IRAG1: variants seen among roughly 807,000 people sequenced by gnomAD.
IRAG1 encodes the protein inositol 1,4,5-triphosphate receptor associated 1.
Under a neutral mutation model 106.2 loss-of-function variants are expected in IRAG1, and 62 were observed. The ratio of observed to expected loss-of-function variants is 0.58; its 90% CI spans 0.48 to 0.72. The LOEUF is 0.72. Ranked by LOEUF, IRAG1 falls within the 30% of genes least tolerant of loss-of-function variation. The pLI is 0.00. For synonymous variants in IRAG1, 462 were observed against 443.9 expected, an observed-to-expected ratio of 1.04 and a Z score of -0.51; for missense variants, 1,064 against 1,140.7, an observed-to-expected ratio of 0.93 and a Z score of 0.97.
chr11:10,596,002 G>A (rs1018924984), intron 15 of IRAG1, among the ~76,000 whole-genome samples: 11 of 152,108 alleles, frequency 7.2e-5, no homozygotes, highest in African/African-American at 1.4e-4. Context: ...CCAGCCCCAC[G>A]CATGTTCCTG....
chr11:10,615,828 A>C (rs1187726179), intron 10 of IRAG1, among the ~76,000 whole-genome samples: 1 of 151,718 alleles, frequency 6.6e-6, no homozygotes, highest in East Asian at 2.0e-4. Flanking sequence ...GATATACCTA[A>C]TGTAAATGAC....
chr11:10,662,390 C>T (rs991218530), intron 1 of IRAG1, among the ~76,000 whole-genome samples: 1 of 152,202 alleles, frequency 6.6e-6, no homozygotes, highest in Non-Finnish European at 1.5e-5. Flanking sequence ...GTCTTCTCTG[C>T]CACACAGATG....
chr11:10,603,451 G>A (rs951631532), intron 13 of IRAG1, among the ~76,000 whole-genome samples, 200 bp from the exon 14 acceptor site: 3 of 152,206 alleles, frequency 2.0e-5, no homozygotes, highest in East Asian at 1.9e-4. Flanking sequence ...TAGATCCTTC[G>A]CATGCACAGT....
Position 10,628,852 on chromosome 11 carries a change from C to G in IRAG1, c.575-24G>C, listed in dbSNP as rs1365682941. The G allele has an allele frequency of 1.9e-6, 3 of 1,563,486 alleles. No homozygotes were observed. The highest frequency in any genetic ancestry group is 2.6e-6 in the Non-Finnish European group (3 of 1,155,148). On this transcript the variant is annotated intron_variant, in intron 5 of 20. Coordinates refer to ENST00000423302, the MANE Select transcript of IRAG1 (RefSeq NM_130385.4). This position sits in a 1 kb window ranked among gnomAD's most constrained non-coding sequence, Gnocchi z 4.1. ...AGCTGTGAAGACAGACACAAATTGG[C>G]TGGCATTCATGAAGGTTTAGGACTT...
At chr11:10,655,817 C>T (rs1334853710) in intron 1 of IRAG1, among the ~76,000 whole-genome samples, 1 of 152,178 alleles carries the variant, frequency 6.6e-6, no homozygotes, top group African/African-American at 2.4e-5. Context: ...GTCCCTGTGA[C>T]AGAAAGCAGA....
chr11:10,680,528 G>GAAGGAAGGAAGAAAGGAAGA (rs1861159989), intron 1 of IRAG1, among the ~76,000 whole-genome samples: 1 of 136,738 alleles, frequency 7.3e-6, no homozygotes, highest in African/African-American at 3.1e-5. Flanking sequence ...AGGAAGAAAG[G>GAAGGAAGGAAGAAAGGAAGA]AAGGAAGGAA....
At position 10,668,491 on chromosome 11, in the gene IRAG1, A is replaced by G. The variant is rs1188956706; in HGVS notation, c.68-16309T>C. Among the ~76,000 whole-genome samples, 3 of 152,208 alleles carry G rather than the reference A, an allele frequency of 2.0e-5. No homozygotes were observed. In the East Asian group the frequency reaches 5.8e-4, roughly 29 times the overall value. On this transcript the variant is annotated intron_variant, in intron 1 of 20. Coordinates refer to ENST00000423302, the MANE Select transcript of IRAG1 (RefSeq NM_130385.4). ...ACCAACTAATGGTTTTTGTAAATAA[A>G]TTTTTATCAAAATACAGCACAACCA... is the stretch of plus-strand genomic sequence containing the variant.
At chr11:10,667,470 G>A (rs1054698520) in intron 1 of IRAG1, among the ~76,000 whole-genome samples, 3 of 152,148 alleles carry the variant, frequency 2.0e-5, no homozygotes, top group Non-Finnish European at 2.9e-5. Context: ...GGAGGGAGCC[G>A]CTACTCAATG....
rs534167557 is a variant in IRAG1 at position 10,678,536 on chromosome 11, C to T, written c.67+15000G>A. Among the ~76,000 whole-genome samples the T allele has an allele frequency of 5.9e-5, 9 of 152,284 alleles. 1 individual carries two copies. Among genetic ancestry groups the T allele is most frequent in the East Asian group, 1.9e-4 (1 of 5,184 alleles). On this transcript the variant is annotated intron_variant, in intron 1 of 20. Transcript: ENST00000423302. ...GACAGATTCAGAGGATGAAGTGATG[C>T]GGCAAGGTCACACAGCCATTAGGAG...
intron 9 of IRAG1, among the ~76,000 whole-genome samples, chr11:10,625,367 C>A (rs1345777718): frequency 2.6e-5 from 4 of 152,158 alleles, no homozygotes; most frequent in Non-Finnish European, 5.9e-5. Flanking sequence ...CCCAATCATA[C>A]CCTGCATAGG....
At position 10,633,965 on chromosome 11, in the gene IRAG1, T is replaced by C. The variant is rs1183457184; in HGVS notation, c.329+3A>G. On this transcript the variant is annotated splice_donor_region_variant and intron_variant, in intron 3 of 20. Coordinates refer to ENST00000423302, the MANE Select transcript of IRAG1 (RefSeq NM_130385.4). ...TCACAATGCAAGGATCAGGCACCTG[T>C]ACCTGTTGGCCAGGTTTTTGTCGGT... The C allele has an allele frequency of 1.2e-5, 19 of 1,596,308 alleles. No homozygotes were observed.
intron 1 of IRAG1, among the ~76,000 whole-genome samples, chr11:10,669,240 T>G (rs1860027032): frequency 6.6e-6 from 1 of 152,184 alleles, no homozygotes; most frequent in East Asian, 1.9e-4. Flanking sequence ...AGAACTAGGA[T>G]TTCCAAGCAG....
At chr11:10,645,837 G>C (rs1183752960) in intron 2 of IRAG1, among the ~76,000 whole-genome samples, 4 of 152,100 alleles carry the variant, frequency 2.6e-5, no homozygotes, top group African/African-American at 9.7e-5. Context: ...TCTGTTACTG[G>C]AAATACTAAT....
rs1856390471 is a variant in IRAG1, at chr11:10,628,051, T to G, written c.653-26A>C. On this transcript the variant is annotated intron_variant, in intron 6 of 20. Transcript: ENST00000423302. This position sits in a 1 kb window ranked among gnomAD's most constrained non-coding sequence, Gnocchi z 4.1. ...CTGGAAGGGTCCAGACACTAGTGAG[T>G]GAGGCCCAGCAGCCCAGGCCCTCAG... The G allele has an allele frequency of 6.2e-7, 1 of 1,613,194 alleles. No individual in the cohort carries two copies. Among genetic ancestry groups the G allele is most frequent in the Non-Finnish European group, 8.5e-7 (1 of 1,179,488 alleles).
intron 10 of IRAG1, among the ~76,000 whole-genome samples, chr11:10,611,092 G>A (rs1028016447): frequency 6.6e-6 from 1 of 152,170 alleles, no homozygotes; most frequent in African/African-American, 2.4e-5. Context: ...TATCTAGTTT[G>A]GCTCAAGGTA....
At chr11:10,660,131 T>C (rs938674943) in intron 1 of IRAG1, among the ~76,000 whole-genome samples, 8 of 152,256 alleles carry the variant, frequency 5.3e-5, no homozygotes, top group African/African-American at 1.9e-4. Context: ...ACTTGTACTT[T>C]GGAGGAATCT....
At chr11:10,616,290 C>CAAA (rs71034776) in intron 10 of IRAG1, among the ~76,000 whole-genome samples, 2 of 117,350 alleles carry the variant, frequency 1.7e-5, no homozygotes, top group African/African-American at 3.2e-5. Context: ...GACTCCATCT[C>CAAA]AAAAAAAAAA....
rs115494659 is a variant in IRAG1 at position 10,583,270 on chromosome 11, C to T, written c.2241-1284G>A. The stretch of plus-strand genomic sequence containing the variant: ...AATATGAAGAAAGACAAGAGGAGGA[C>T]CCAGGACCAAGTCATGAGGAACTCC... On this transcript the variant is annotated intron_variant, in intron 18 of 20. Transcript: ENST00000423302. Among the ~76,000 whole-genome samples, 1,020 of 152,120 alleles carry T rather than the reference C, an allele frequency of 6.7e-3. 9 individuals are homozygous for T. Among genetic ancestry groups the T allele is most frequent in the African/African-American group, 0.023 (958 of 41,480 alleles).
chr11:10,619,357 AT>A (rs980618320), intron 10 of IRAG1, among the ~76,000 whole-genome samples: 5 of 152,090 alleles, frequency 3.3e-5, no homozygotes, highest in African/African-American at 1.2e-4. Flanking sequence ...AAGAGACTGG[AT>A]TTTTCCCCAT....
Sources: gnomAD v4.1 joint callset for allele counts (sites outside exome capture counted in the v4.1 genomes callset) on GRCh38, gnomAD v4.1.1 for gene constraint, Gnocchi (gnomAD v3.1) non-coding constraint, MANE v1.5 for transcripts, NCBI Gene and HGNC (gene_info 2026-07-23, HGNC 2026-07-21) for gene names.